Variants in PDGFC observed in about 807,000 individuals in gnomAD.
PDGFC encodes platelet-derived growth factor C.
PDGFC carries 12 observed loss-of-function variants against 35.5 expected under a neutral mutation model. That is an observed-to-expected ratio of 0.34 (90% CI 0.22 to 0.55). The LOEUF is 0.55. Among genes scored for constraint, PDGFC ranks in the 20% least tolerant of loss-of-function variants. PDGFC has a pLI of 0.91. For missense variants in PDGFC, 322 were observed against 412.4 expected, an observed-to-expected ratio of 0.78 and a Z score of 1.90; for synonymous variants, 159 against 148.8, an observed-to-expected ratio of 1.07 and a Z score of -0.50.
intron 3 of PDGFC, among the ~76,000 whole-genome samples, chr4:156,785,529 T>C (rs1055182969): frequency 2.0e-5 from 3 of 152,080 alleles, no homozygotes; most frequent in Non-Finnish European, 4.4e-5. Flanking sequence ...TTTAATAAAC[T>C]TCTAAAAGTA....
chr4:156,808,341 T>C (rs1731829488), intron 3 of PDGFC, among the ~76,000 whole-genome samples: 1 of 152,090 alleles, frequency 6.6e-6, no homozygotes, highest in Non-Finnish European at 1.5e-5. Context: ...ATATTATTTT[T>C]ACTATTACAA....
intron 1 of PDGFC, among the ~76,000 whole-genome samples, chr4:156,919,022 T>C (rs1560872836): frequency 6.6e-6 from 1 of 152,174 alleles, no homozygotes; most frequent in Non-Finnish European, 1.5e-5. Flanking sequence ...CCAACAATAT[T>C]AAATGTCCTC....
chr4:156,838,043 A>G (rs755170896), intron 2 of PDGFC, among the ~76,000 whole-genome samples: 2 of 152,114 alleles, frequency 1.3e-5, no homozygotes, highest in Non-Finnish European at 2.9e-5. Flanking sequence ...AAATTATGCC[A>G]CTGGGCTAAC....
intron 1 of PDGFC, among the ~76,000 whole-genome samples, chr4:156,862,754 G>A (rs1579062606): frequency 6.6e-6 from 1 of 150,960 alleles, no homozygotes; most frequent in African/African-American, 2.4e-5. Flanking sequence ...CCCAGGCTGA[G>A]TGTAGTCTCT....
rs1462109561 is a variant in PDGFC at position 156,818,523 on chromosome 4, T to TC, written c.315-7507_315-7506insG. ...GTGTCATTCTTTCTAGCTGTTTTTT[T>TC]TTTTTTTTTTTTTTTGAGACGGAGT... On this transcript the variant is annotated intron_variant, in intron 2 of 5. Coordinates refer to ENST00000502773, the MANE Select transcript of PDGFC (RefSeq NM_016205.3). 2.3e-4 allele frequency among the ~76,000 whole-genome samples: 33 copies of TC among 145,174 alleles called. 1 individual carries two copies. The highest frequency in any genetic ancestry group is 8.2e-4 in the African/African-American group (32 of 39,026).
chr4:156,844,854 T>C (rs1729287730), intron 2 of PDGFC, among the ~76,000 whole-genome samples: 2 of 151,926 alleles, frequency 1.3e-5, no homozygotes, highest in Non-Finnish European at 2.9e-5. Flanking sequence ...TTAAAATAAT[T>C]TAATGCAACT....
chr4:156,927,460 A>T (rs112860895), intron 1 of PDGFC, among the ~76,000 whole-genome samples: 1 of 152,280 alleles, frequency 6.6e-6, no homozygotes, highest in African/African-American at 2.4e-5. Context: ...GAATGCTTTT[A>T]ACAGCAGCCA....
intron 1 of PDGFC, among the ~76,000 whole-genome samples, chr4:156,929,354 T>A (rs1415400990): frequency 6.6e-6 from 1 of 151,590 alleles, no homozygotes; most frequent in African/African-American, 2.4e-5. Flanking sequence ...TCCCAACCTA[T>A]CTATGTGAGA....
intron 1 of PDGFC, among the ~76,000 whole-genome samples, chr4:156,891,812 C>T (rs1267988134): frequency 3.9e-5 from 6 of 152,264 alleles, no homozygotes; most frequent in Non-Finnish European, 1.5e-5. Context: ...AATAATTCAC[C>T]ATTCATAATG....
At chr4:156,830,995 C>T (rs769933586) in intron 2 of PDGFC, among the ~76,000 whole-genome samples, 1 of 152,124 alleles carries the variant, frequency 6.6e-6, no homozygotes, top group Admixed American at 6.5e-5. Flanking sequence ...ATGCCTATCC[C>T]TTTACTATTC....
intron 2 of PDGFC, among the ~76,000 whole-genome samples, chr4:156,824,349 C>CACACACAT (rs1553967655): frequency 3.7e-5 from 5 of 134,536 alleles, no homozygotes; most frequent in African/African-American, 8.8e-5. Context: ...CACACACACA[C>CACACACAT]ATATACACAC....
At chr4:156,963,879 T>C (rs1732399594) in intron 1 of PDGFC, among the ~76,000 whole-genome samples, 1 of 152,068 alleles carries the variant, frequency 6.6e-6, no homozygotes, top group Admixed American at 6.6e-5. Flanking sequence ...TGTTTTCAGA[T>C]TTGGGAACTT....
chr4:156,794,048 TATCATAAAAC>T (rs1579012690), intron 3 of PDGFC, among the ~76,000 whole-genome samples: 1 of 152,178 alleles, frequency 6.6e-6, no homozygotes, highest in African/African-American at 2.4e-5. Flanking sequence ...ATATAATTTG[TATCATAAAAC>T]ATTGTCCTAT....
chr4:156,965,866 A>T (rs1732453465), intron 1 of PDGFC, among the ~76,000 whole-genome samples: 1 of 152,148 alleles, frequency 6.6e-6, no homozygotes, highest in South Asian at 2.1e-4. Context: ...CACAGCTAAA[A>T]GTGTCAAAAT....
At chr4:156,880,385 A>G (rs1024439435) in intron 1 of PDGFC, among the ~76,000 whole-genome samples, 1 of 152,152 alleles carries the variant, frequency 6.6e-6, no homozygotes, top group Non-Finnish European at 1.5e-5. Flanking sequence ...CCTGGGTGAC[A>G]GTATATCTAT....
intron 1 of PDGFC, among the ~76,000 whole-genome samples, chr4:156,926,643 C>G (rs1403557418): frequency 6.6e-6 from 1 of 152,240 alleles, no homozygotes; most frequent in Non-Finnish European, 1.5e-5. Context: ...GACTCCATGT[C>G]TCACATCCAG....
chr4:156,851,642 G>C (rs1729455132), intron 1 of PDGFC, among the ~76,000 whole-genome samples: 1 of 152,000 alleles, frequency 6.6e-6, no homozygotes. Context: ...ATAGGCTCCA[G>C]GCCATAAAAA....
intron 1 of PDGFC, among the ~76,000 whole-genome samples, chr4:156,922,112 A>C (rs1731296939): frequency 6.6e-6 from 1 of 152,034 alleles, no homozygotes; most frequent in Non-Finnish European, 1.5e-5. Flanking sequence ...GGAGCAAAGA[A>C]GACAGGGACC....
At chr4:156,919,543 A>G (rs1731226764) in intron 1 of PDGFC, among the ~76,000 whole-genome samples, 1 of 152,120 alleles carries the variant, frequency 6.6e-6, no homozygotes, top group South Asian at 2.1e-4. Flanking sequence ...CAGATTTTCT[A>G]TACCCTTCAA....
Sources: allele counts gnomAD v4.1 joint callset (sites outside exome capture counted in the v4.1 genomes callset), GRCh38; gene constraint gnomAD v4.1.1; transcripts MANE v1.5; gene names NCBI Gene and HGNC (gene_info 2026-07-23, HGNC 2026-07-21).